The following TRAF2 variants were observed in gnomAD, a reference collection of about 807,000 sequenced individuals.
The protein encoded by TRAF2 is TNF receptor associated factor 2.
TRAF2 carries 6 observed loss-of-function variants against 55.6 expected under a neutral mutation model. That is an observed-to-expected ratio of 0.11 (90% CI 0.06 to 0.21). TRAF2 has a LOEUF of 0.21. Ranked by LOEUF, TRAF2 falls within the 10% of genes least tolerant of loss-of-function variation. The pLI is 1.00. For missense variants in TRAF2, 561 were observed against 684.5 expected, an observed-to-expected ratio of 0.82 and a Z score of 2.01; for synonymous variants, 329 against 276.3, an observed-to-expected ratio of 1.19 and a Z score of -1.89.
intron 10 of TRAF2, among the ~76,000 whole-genome samples, chr9:136,924,492 G>C (rs1850473003): frequency 6.6e-6 from 1 of 151,956 alleles, no homozygotes; most frequent in South Asian, 2.1e-4. Flanking sequence ...AGCCCAGTAG[G>C]TTGAGGCTGC....
intron 1 of TRAF2, among the ~76,000 whole-genome samples, chr9:136,889,290 TTTC>T (rs1225846412): frequency 6.6e-6 from 1 of 151,718 alleles, no homozygotes; most frequent in Non-Finnish European, 1.5e-5. Flanking sequence ...GGCCTTTTTT[TTTC>T]TTTTTTTGAG....
chr9:136,911,214 CTG>C (rs1850096768), intron 6 of TRAF2, among the ~76,000 whole-genome samples: 1 of 151,670 alleles, frequency 6.6e-6, no homozygotes, highest in Admixed American at 6.5e-5. Context: ...CCACCCATCA[CTG>C]TGAACACGGG....
intron 1 of TRAF2, chr9:136,886,772 G>T: frequency 4.5e-6 from 1 of 220,266 alleles, no homozygotes; most frequent in Non-Finnish European, 7.7e-6. Flanking sequence ...GAAAGTTCGG[G>T]AACGCGCGCG....
intron 9 of TRAF2, among the ~76,000 whole-genome samples, chr9:136,922,759 G>C (rs1227721916): frequency 7.4e-6 from 1 of 134,454 alleles, no homozygotes; most frequent in Non-Finnish European, 1.6e-5. Flanking sequence ...TGGGCATGTG[G>C]TGGAGGACTA....
intron 5 of TRAF2, 84 bp from the exon 6 acceptor site, chr9:136,909,810 ACGTGCTCCTGCGGCCCCTCGGCGCTG>A: frequency 9.2e-7 from 1 of 1,083,092 alleles, no homozygotes; most frequent in Non-Finnish European, 1.4e-6. Context: ...GAGGGTGACC[ACGTGCTCCTGCGGCCCCTCGGCGCTG>A]CCCAGCCTGA....
chr9:136,908,662 C>G (rs913497048), intron 5 of TRAF2, among the ~76,000 whole-genome samples: 1 of 151,852 alleles, frequency 6.6e-6, no homozygotes, highest in African/African-American at 2.4e-5. Context: ...GTCAGGAGCT[C>G]GAGACCATCC....
At position 136,894,049 on chromosome 9, in the gene TRAF2, T is replaced by TG. The variant is rs1401790863; in HGVS notation, c.-28-4664_-28-4663insG. Among the ~76,000 whole-genome samples, 11 of 132,294 alleles carry TG rather than the reference T, an allele frequency of 8.3e-5. No homozygotes were observed. In the South Asian group the frequency reaches 2.7e-3, roughly 33 times the overall value. 86.8% of individuals were successfully genotyped at this position (132,294 alleles called of 152,430 possible). A position where few individuals can be genotyped will look rare whatever the true frequency, so the allele number is the denominator to read the frequency against. Reference sequence around the variant, plus strand: ...AGGTGTGAGCCACTGCGCCTGGCCTTTTTTTTTTTTTTTTTGAAATGGAGT... The same window carrying TG: ...AGGTGTGAGCCACTGCGCCTGGCCTTGTTTTTTTTTTTTTTTGAAATGGAGT... On this transcript the variant is annotated intron_variant, in intron 1 of 10. Coordinates refer to ENST00000247668, the MANE Select transcript of TRAF2 (RefSeq NM_021138.4).
intron 7 of TRAF2, among the ~76,000 whole-genome samples, chr9:136,917,221 G>A (rs1850264233): frequency 6.6e-6 from 1 of 152,194 alleles, no homozygotes; most frequent in African/African-American, 2.4e-5. Flanking sequence ...GATGGAAATC[G>A]ATCACAGCTC....
intron 1 of TRAF2, chr9:136,886,748 C>A (rs1161847379): frequency 3.7e-6 from 1 of 272,816 alleles, no homozygotes; most frequent in Non-Finnish European, 5.6e-6. Context: ...CAAGTCCGAG[C>A]GTGGCTGGCG....
intron 1 of TRAF2, among the ~76,000 whole-genome samples, chr9:136,887,156 C>A (rs1033743891): frequency 2.0e-5 from 3 of 152,076 alleles, no homozygotes; most frequent in African/African-American, 7.2e-5. Flanking sequence ...CTGGGAGGGT[C>A]GGGGGCAGCA....
At chr9:136,882,015 T>G (rs1849380819), upstream of TRAF2, 1 of 984,162 alleles carries the variant, frequency 1.0e-6, no homozygotes, top group Admixed American at 6.2e-5. Flanking sequence ...TGTGAGCAAG[T>G]GGACTGCGGC....
chr9:136,911,395 G>A (rs1588436329), intron 6 of TRAF2, among the ~76,000 whole-genome samples: 1 of 151,744 alleles, frequency 6.6e-6, no homozygotes, highest in East Asian at 1.9e-4. Context: ...TTCCCGAGTA[G>A]CTGGGATTGC....
chr9:136,887,029 C>T (rs1463049590), intron 1 of TRAF2, among the ~76,000 whole-genome samples: 1 of 152,162 alleles, frequency 6.6e-6, no homozygotes. Context: ...TGCCAGCGCC[C>T]CCCAGCCAGG....
rs746636256 is a variant in TRAF2 at position 136,898,947 on chromosome 9, C to CT, written c.188+20dup. 1 of 1,585,812 alleles carries CT rather than the reference C, an allele frequency of 6.3e-7. No homozygotes were observed. On this transcript the variant is annotated intron_variant, in intron 2 of 10. Coordinates refer to ENST00000247668, the MANE Select transcript of TRAF2 (RefSeq NM_021138.4). ...TCCTCAGGTGCATGGGGCCTGCAGG[C>CT]TGGGAGGAGGGGCAGGCAGGCTAGG...
chr9:136,921,892 G>T (rs1335255987), intron 9 of TRAF2, among the ~76,000 whole-genome samples: 2 of 152,264 alleles, frequency 1.3e-5, no homozygotes, highest in South Asian at 2.1e-4. Flanking sequence ...CCTTGTGGCG[G>T]CCCCAGCCAT....
chr9:136,885,124 G>A (rs1254326875), upstream of TRAF2, among the ~76,000 whole-genome samples: 2 of 152,186 alleles, frequency 1.3e-5, no homozygotes, highest in Non-Finnish European at 2.9e-5. Flanking sequence ...TGGGGCGGAG[G>A]GGAATTCCAA....
At chr9:136,919,299 T>TTG (rs1850325030) in intron 7 of TRAF2, among the ~76,000 whole-genome samples, 2 of 142,264 alleles carry the variant, frequency 1.4e-5, no homozygotes, top group African/African-American at 5.3e-5. Flanking sequence ...GGGTGGCTTT[T>TTG]TTTTTTTTTT....
chr9:136,919,780 A>G (rs1395741282), intron 7 of TRAF2, among the ~76,000 whole-genome samples: 1 of 147,132 alleles, frequency 6.8e-6, no homozygotes, highest in Non-Finnish European at 1.5e-5. Flanking sequence ...CAGTGGTATG[A>G]TCTCGGCTCA....
At chr9:136,914,951 G>T (rs746052320) in intron 6 of TRAF2, among the ~76,000 whole-genome samples, 1 of 151,190 alleles carries the variant, frequency 6.6e-6, no homozygotes, top group Non-Finnish European at 1.5e-5. Flanking sequence ...AGGCGGAGGC[G>T]AGCGGATCAC....
Sources: allele counts gnomAD v4.1 joint callset (sites outside exome capture counted in the v4.1 genomes callset), GRCh38; gene constraint gnomAD v4.1.1; transcripts MANE v1.5; gene names NCBI Gene and HGNC (gene_info 2026-07-23, HGNC 2026-07-21).